The following FBXL17 variants were observed in gnomAD, a reference collection of about 807,000 sequenced individuals.
The protein encoded by FBXL17 is F-box/LRR-repeat protein 17.
Under a neutral mutation model 66.2 loss-of-function variants are expected in FBXL17, and 22 were observed. The observed-to-expected ratio is 0.33, with a 90% CI of 0.24 to 0.47. The LOEUF (loss-of-function observed/expected upper bound fraction) is 0.47. Ranked by LOEUF, FBXL17 falls within the 20% of genes least tolerant of loss-of-function variation. The pLI, the probability that FBXL17 is intolerant of heterozygous loss-of-function variation, is 1.00. For missense variants in FBXL17, 878 were observed against 948.2 expected, an observed-to-expected ratio of 0.93 and a Z score of 0.97; for synonymous variants, 474 against 400.5, an observed-to-expected ratio of 1.18 and a Z score of -2.19.
chr5:108,143,374 C>CACAT (rs1554068924), intron 6 of FBXL17, among the ~76,000 whole-genome samples: 2 of 151,682 alleles, frequency 1.3e-5, no homozygotes, highest in Middle Eastern at 3.4e-3. Context: ...CACACACACA[C>CACAT]ATATACAAAT....
chr5:108,001,743 G>A (rs1321208286), intron 7 of FBXL17, among the ~76,000 whole-genome samples: 3 of 151,868 alleles, frequency 2.0e-5, no homozygotes, highest in Non-Finnish European at 2.9e-5. Flanking sequence ...CTCGTGATCC[G>A]CCCATCTGGG....
chr5:108,135,470 C>A (rs1418905332), intron 6 of FBXL17, among the ~76,000 whole-genome samples: 1 of 152,056 alleles, frequency 6.6e-6, no homozygotes, highest in Non-Finnish European at 1.5e-5. Flanking sequence ...GGGAATGAAA[C>A]CACGTTTATA....
At chr5:108,188,915 A>G (rs529045743) in intron 5 of FBXL17, among the ~76,000 whole-genome samples, 1 of 152,228 alleles carries the variant, frequency 6.6e-6, no homozygotes, top group Non-Finnish European at 1.5e-5. Context: ...ATAAGTTTCT[A>G]TAACTTTTCT....
At chr5:108,250,732 C>T (rs1481102434) in intron 4 of FBXL17, among the ~76,000 whole-genome samples, 1 of 152,048 alleles carries the variant, frequency 6.6e-6, no homozygotes, top group Non-Finnish European at 1.5e-5. Context: ...TCTCCAAAGG[C>T]AAACACTGTT....
chr5:107,871,479 C>G (rs1580669010), intron 8 of FBXL17, among the ~76,000 whole-genome samples: 1 of 152,182 alleles, frequency 6.6e-6, no homozygotes, highest in African/African-American at 2.4e-5. Context: ...AAATTAGTGA[C>G]ATTTTCATTC....
rs186853304 is a variant in FBXL17 at position 108,260,136 on chromosome 5, A to T, written c.1507-35908T>A. Reference sequence around the variant, plus strand: ...TCCATGCTACTCTTGCCTCTCTTATAAAGATAGGTAAAGCATACATCTTCA... The same window carrying T: ...TCCATGCTACTCTTGCCTCTCTTATTAAGATAGGTAAAGCATACATCTTCA... On this transcript the variant is annotated intron_variant, in intron 4 of 8. Transcript: ENST00000542267. 6.6e-5 allele frequency among the ~76,000 whole-genome samples: 10 copies of T among 152,272 alleles called. No individual in the cohort carries two copies. The East Asian group carries it at 1.9e-3, about 29-fold the overall frequency.
intron 4 of FBXL17, among the ~76,000 whole-genome samples, chr5:108,319,751 ATTTT>A (rs2150215581): frequency 6.6e-6 from 1 of 151,852 alleles, no homozygotes; most frequent in South Asian, 2.1e-4. Flanking sequence ...TTAACAATTT[ATTTT>A]TAACTATATA....
intron 7 of FBXL17, among the ~76,000 whole-genome samples, chr5:107,934,195 G>A (rs945724824): frequency 6.6e-6 from 1 of 151,984 alleles, no homozygotes; most frequent in Non-Finnish European, 1.5e-5. Context: ...TTTTCATTGT[G>A]CATAATAATA....
At chr5:107,866,596 A>C (rs1748283418) in intron 8 of FBXL17, among the ~76,000 whole-genome samples, 1 of 152,196 alleles carries the variant, frequency 6.6e-6, no homozygotes, top group South Asian at 2.1e-4. Context: ...TCCCTTTATT[A>C]ATTTCCGCAG....
At chr5:108,352,589 C>A (rs569555482) in intron 3 of FBXL17, among the ~76,000 whole-genome samples, 14 of 152,188 alleles carry the variant, frequency 9.2e-5, no homozygotes, top group African/African-American at 3.4e-4. Context: ...CGGCTCACTG[C>A]AAACTCCACC....
At chr5:107,867,470 C>G (rs538633336) in intron 8 of FBXL17, among the ~76,000 whole-genome samples, 1 of 152,200 alleles carries the variant, frequency 6.6e-6, no homozygotes, top group African/African-American at 2.4e-5. Flanking sequence ...GGACGTGAGT[C>G]GGTTTCCAAA....
chr5:108,278,132 G>A (rs1006602758), intron 4 of FBXL17, among the ~76,000 whole-genome samples: 2 of 152,160 alleles, frequency 1.3e-5, no homozygotes, highest in African/African-American at 2.4e-5. Context: ...GGGTAAGTGA[G>A]GGTCCTATTG....
intron 6 of FBXL17, among the ~76,000 whole-genome samples, chr5:108,034,063 T>C (rs1746746665): frequency 6.6e-6 from 1 of 152,190 alleles, no homozygotes; most frequent in Non-Finnish European, 1.5e-5. Context: ...CCAGATAACA[T>C]TTCACATGCT....
chr5:108,052,130 A>AG (rs1157296392), intron 6 of FBXL17, among the ~76,000 whole-genome samples: 1 of 37,698 alleles, frequency 2.7e-5, no homozygotes, highest in Non-Finnish European at 5.9e-5. Flanking sequence ...AAAAAAAAAA[A>AG]AAAAGAAAAA....
At chr5:108,023,966 T>C (rs1754699210) in intron 6 of FBXL17, among the ~76,000 whole-genome samples, 1 of 152,288 alleles carries the variant, frequency 6.6e-6, no homozygotes, top group East Asian at 1.9e-4. Flanking sequence ...TAGAAGAACA[T>C]TCATTAATCA....
chr5:107,983,152 G>A (rs529186926), intron 7 of FBXL17, among the ~76,000 whole-genome samples: 1 of 152,228 alleles, frequency 6.6e-6, no homozygotes, highest in South Asian at 2.1e-4. Flanking sequence ...CAGATGGGGT[G>A]TTGCCCTGCT....
intron 7 of FBXL17, among the ~76,000 whole-genome samples, chr5:107,920,297 C>T (rs530054261): frequency 1.4e-4 from 21 of 152,220 alleles, no homozygotes; most frequent in Middle Eastern, 3.4e-3. Context: ...CTCTGCTTCC[C>T]GGGTTCCAGC....
At chr5:108,304,727 T>C (rs1034899434) in intron 4 of FBXL17, among the ~76,000 whole-genome samples, 1 of 151,900 alleles carries the variant, frequency 6.6e-6, no homozygotes, top group Non-Finnish European at 1.5e-5. Context: ...AGAAACCTCT[T>C]TCTCTCTCTC....
At chr5:108,350,204 CT>C (rs1467425651) in intron 3 of FBXL17, among the ~76,000 whole-genome samples, 1 of 152,154 alleles carries the variant, frequency 6.6e-6, no homozygotes, top group East Asian at 1.9e-4. Flanking sequence ...GCTAAAAATA[CT>C]AGAATTCTTG....
Sources: allele counts gnomAD v4.1 joint callset (sites outside exome capture counted in the v4.1 genomes callset), GRCh38; gene constraint gnomAD v4.1.1; transcripts MANE v1.5; gene names NCBI Gene and HGNC (gene_info 2026-07-23, HGNC 2026-07-21).